The following SPHK1 variants were observed in gnomAD, a reference collection of about 807,000 sequenced individuals.
SPHK1 encodes sphingosine kinase 1, also known as SK 1.
Under a neutral mutation model 14.6 loss-of-function variants are expected in SPHK1, and 10 were observed. The ratio of observed to expected loss-of-function variants is 0.68; its 90% CI spans 0.42 to 1.16. The LOEUF (loss-of-function observed/expected upper bound fraction) is 1.16, where lower values mean the gene tolerates loss of function less well. Among genes scored for constraint, SPHK1 ranks in the 50% most tolerant of loss-of-function variants. The pLI is 0.00. For missense variants in SPHK1, 553 were observed against 525.4 expected, an observed-to-expected ratio of 1.05 and a Z score of -0.51; for synonymous variants, 274 against 224.0, an observed-to-expected ratio of 1.22 and a Z score of -1.99.
chr17:76,387,286 G>A lies in SPHK1; in HGVS notation c.855G>A (p.Met285Ile). The A allele has an allele frequency of 2.5e-6, 4 of 1,613,636 alleles. No homozygotes were observed. In the Admixed American group the frequency reaches 5.0e-5, roughly 20 times the overall value. ...APMGRCAAGV[M>I]HLFYVRAGVS... is the part of the protein sequence containing the mutation. ...TGGGCCGCTGTGCAGCTGGCGTCAT[G>A]CATCTGTTCTACGTGCGGGCGGGAG... The change falls in exon 6 of 6, where the codon ATG becomes ATA. Residue 285 changes from methionine to isoleucine, a missense_variant. Coordinates refer to ENST00000592299, the MANE Select transcript of SPHK1 (RefSeq NM_001142601.2). The surrounding 1 kb of genome is among the most constrained non-coding windows in gnomAD (Gnocchi z 4.1).
At chr17:76,383,894 A>T (rs758139296), upstream of SPHK1, 78 of 1,255,414 alleles carry the variant, frequency 6.2e-5, no homozygotes, top group Admixed American at 5.3e-4. Flanking sequence ...GCCCATCTAC[A>T]CTGTCAAGCC....
In SPHK1 at chr17:76,385,466, G is replaced by A; in HGVS notation, c.-179G>A. ...TCTCCCTCAGGTCCAGCCGCCGCAGGGAATGACGCCGGTGCTCCTGCAGCC... is the reference window on the plus strand; with the variant it reads ...TCTCCCTCAGGTCCAGCCGCCGCAGAGAATGACGCCGGTGCTCCTGCAGCC... On this transcript the variant is annotated 5_prime_UTR_variant, in exon 2 of 6. Transcript: ENST00000592299. The surrounding 1 kb of genome is among the most constrained non-coding windows in gnomAD (Gnocchi z 5.3). 6.4e-7 allele frequency: 1 copy of A among 1,555,474 alleles called. No homozygotes were observed. Among genetic ancestry groups the A allele is most frequent in the Non-Finnish European group, 8.6e-7 (1 of 1,158,486 alleles).
Position 76,386,706 on chromosome 17 carries a change from G to C in SPHK1, c.375-100G>C. The C allele has an allele frequency of 7.2e-7, 1 of 1,386,774 alleles. No homozygotes were observed. Among genetic ancestry groups the C allele is most frequent in the Non-Finnish European group, 9.7e-7 (1 of 1,026,836 alleles). The allele number at this position is 1,386,774 out of a possible 1,614,324, so 85.9% of individuals were successfully genotyped here. On this transcript the variant is annotated intron_variant, in intron 5 of 5. Transcript: ENST00000592299. The surrounding 1 kb of genome is among the most constrained non-coding windows in gnomAD (Gnocchi z 5.3). Reference sequence around the variant, plus strand: ...CCTACCAGTCCTGCCAACTCCCCAGGGACCACATGGCGCTTTGCCAGCTCC... The same window carrying C: ...CCTACCAGTCCTGCCAACTCCCCAGCGACCACATGGCGCTTTGCCAGCTCC...
chr17:76,386,363 C>T lies in SPHK1; in HGVS notation c.259-30C>T. On this transcript the variant is annotated intron_variant, in intron 4 of 5. Transcript: ENST00000592299. The surrounding 1 kb of genome is among the most constrained non-coding windows in gnomAD (Gnocchi z 5.3). The stretch of plus-strand genomic sequence containing the variant: ...AGGCCTGGGGCTTGGCGCGGTGCGT[C>T]CCAGGCTGAGGCCACGTGTGCTTCA... The T allele has an allele frequency of 6.2e-7, 1 of 1,607,252 alleles. No homozygotes were observed.
At position 76,385,842 on chromosome 17, in the gene SPHK1, T is replaced by C. The variant is rs1476362387; in HGVS notation, c.11-143T>C. 3.4e-6 allele frequency: 5 copies of C among 1,475,582 alleles called. No individual in the cohort carries two copies. Among genetic ancestry groups the C allele is most frequent in the African/African-American group, 2.8e-5 (2 of 71,238 alleles). 91.4% of individuals were successfully genotyped at this position (1,475,582 alleles called of 1,614,324 possible). A position where few individuals can be genotyped will look rare whatever the true frequency, so the allele number is the denominator to read the frequency against. On this transcript the variant is annotated intron_variant, in intron 2 of 5. Transcript: ENST00000592299. The surrounding 1 kb of genome is among the most constrained non-coding windows in gnomAD (Gnocchi z 5.3). ...AGGGGCGCCGCGTCCCCACCCCAGG[T>C]CTCCCAGCAAAGGCCGCTCCTCTGG...
chr17:76,387,550 GC>G lies in SPHK1; in HGVS notation c.1123del (p.Gln375SerfsTer50). The G allele has an allele frequency of 6.2e-7, 1 of 1,604,814 alleles. No homozygotes were observed. Reference sequence around the variant, plus strand: ...GCGTGGAGCCCCCGCCCAGCTGGAAGCCCCAGCAGATGCCACCGCCAGAAGA... The same window carrying G: ...GCGTGGAGCCCCCGCCCAGCTGGAAGCCCAGCAGATGCCACCGCCAGAAGA... ...GCVEPPPSWK[P>X]QQMPPPEEPL On this transcript the variant is annotated frameshift_variant, in exon 6 of 6. Coordinates refer to ENST00000592299, the MANE Select transcript of SPHK1 (RefSeq NM_001142601.2). LOFTEE classifies it low-confidence loss of function (END_TRUNC). The surrounding 1 kb of genome is among the most constrained non-coding windows in gnomAD (Gnocchi z 4.1).
Position 76,385,261 on chromosome 17 carries a change from A to T in SPHK1, c.-194-190A>T. 1 of 1,513,640 alleles carries T rather than the reference A, an allele frequency of 6.6e-7. No individual in the cohort carries two copies. Among genetic ancestry groups the T allele is most frequent in the Non-Finnish European group, 8.9e-7 (1 of 1,129,570 alleles). 93.8% of individuals were successfully genotyped at this position (1,513,640 alleles called of 1,614,324 possible). On this transcript the variant is annotated intron_variant, in intron 1 of 5. Coordinates refer to ENST00000592299, the MANE Select transcript of SPHK1 (RefSeq NM_001142601.2). The surrounding 1 kb of genome is among the most constrained non-coding windows in gnomAD (Gnocchi z 5.3). ...CCAAGCCCCAGGGAGAAAGCCCCGG[A>T]GCAGGCGCCCTTCTCAGGGATTGTA...
chr17:76,384,499 C>G (rs1183208036), upstream of SPHK1: 13 of 150,278 alleles, frequency 8.7e-5, no homozygotes, highest in Non-Finnish European at 1.6e-4. Flanking sequence ...GGGCGCGGGC[C>G]GTGCCGGAGG....
Position 76,387,090 on chromosome 17 carries a change from C to T in SPHK1, c.659C>T (p.Ser220Phe), listed in dbSNP as rs1306028825. Residue 220 changes from serine to phenylalanine, a missense_variant, in exon 6 of 6, where the codon TCC becomes TTC. Ser to Phe is a radical substitution (Grantham distance 155). Coordinates refer to ENST00000592299, the MANE Select transcript of SPHK1 (RefSeq NM_001142601.2). This position sits in a 1 kb window ranked among gnomAD's most constrained non-coding sequence, Gnocchi z 4.1. ...TACCTCCCTGTAGGAAGAGTGGGTT[C>T]CAAGACACCTGCCTCCCCCGTTGTG... ...LAYLPVGRVG[S>F]KTPASPVVVQ... 4.3e-6 allele frequency: 7 copies of T among 1,613,224 alleles called. No homozygotes were observed. The highest frequency in any genetic ancestry group is 5.9e-6 in the Non-Finnish European group (7 of 1,180,044).
Position 76,386,423 on chromosome 17 carries a change from T to C in SPHK1, c.289T>C (p.Trp97Arg), listed in dbSNP as rs2143632095. ...VVNGLMERPD[W>R]ETAIQKPLCS... ...GAACGGGCTCATGGAGCGGCCTGAC[T>C]GGGAGACCGCCATCCAGAAGCCCCT... The change falls in exon 5 of 6, where the codon TGG becomes CGG. Residue 97 changes from tryptophan to arginine, a missense_variant. By Grantham distance (101) the Trp-to-Arg change is moderately radical. Transcript: ENST00000592299. The surrounding 1 kb of genome is among the most constrained non-coding windows in gnomAD (Gnocchi z 5.3). The C allele has an allele frequency of 6.2e-7, 1 of 1,612,822 alleles. No individual in the cohort carries two copies. The highest frequency in any genetic ancestry group is 8.5e-7 in the Non-Finnish European group (1 of 1,179,818).
At position 76,387,532 on chromosome 17, in the gene SPHK1, G is replaced by T. The variant is rs1050682041; in HGVS notation, c.1101G>T (p.Glu367Asp). 6.2e-7 allele frequency: 1 copy of T among 1,609,496 alleles called. No homozygotes were observed. The change falls in exon 6 of 6, where the codon GAG (glutamate) becomes GAT (aspartate). Residue 367 changes from glutamate to aspartate, a missense_variant. Coordinates refer to ENST00000592299, the MANE Select transcript of SPHK1 (RefSeq NM_001142601.2). This position sits in a 1 kb window ranked among gnomAD's most constrained non-coding sequence, Gnocchi z 4.1. The part of the protein sequence containing the change: ...NYFWMVSGCV[E>D]PPPSWKPQQM... Reference sequence around the variant, plus strand: ...TCTGGATGGTCAGCGGTTGCGTGGAGCCCCCGCCCAGCTGGAAGCCCCAGC... The same window carrying T: ...TCTGGATGGTCAGCGGTTGCGTGGATCCCCCGCCCAGCTGGAAGCCCCAGC...
At position 76,385,105 on chromosome 17, in the gene SPHK1, A is replaced by G. The variant is rs1463513473; in HGVS notation, c.-195+299A>G. The G allele has an allele frequency of 6.4e-7, 1 of 1,573,780 alleles. No individual in the cohort carries two copies. The highest frequency in any genetic ancestry group is 8.6e-7 in the Non-Finnish European group (1 of 1,159,866). Reference sequence around the variant, plus strand: ...CCTCTCCCAGAACTTCGTGCCCAGCAATGTCCGCTCAAGTTCTGGGATTTT... The same window carrying G: ...CCTCTCCCAGAACTTCGTGCCCAGCGATGTCCGCTCAAGTTCTGGGATTTT... On this transcript the variant is annotated intron_variant, in intron 1 of 5. Coordinates refer to ENST00000592299, the MANE Select transcript of SPHK1 (RefSeq NM_001142601.2). This position sits in a 1 kb window ranked among gnomAD's most constrained non-coding sequence, Gnocchi z 5.3.
In SPHK1 at chr17:76,387,253, T is replaced by C. The variant is rs902012955; in HGVS notation, c.822T>C (p.Ala274=). 8 of 1,613,392 alleles carry C rather than the reference T, an allele frequency of 5.0e-6. No individual in the cohort carries two copies. The highest frequency in any genetic ancestry group is 1.7e-5 in the Admixed American group (1 of 59,970). The change falls in exon 6 of 6, where the codon GCT becomes GCC. Residue 274 remains alanine, a synonymous_variant. Transcript: ENST00000592299. The surrounding 1 kb of genome is among the most constrained non-coding windows in gnomAD (Gnocchi z 4.1). ...CGCACCTGGGCAGTGAGATGTTTGCTGCACCCATGGGCCGCTGTGCAGCTG... is the reference window on the plus strand; with the variant it reads ...CGCACCTGGGCAGTGAGATGTTTGCCGCACCCATGGGCCGCTGTGCAGCTG... ...LHSHLGSEMF[A]APMGRCAAGV...
In SPHK1 at chr17:76,386,430, C is replaced by T. The variant is rs1222078247; in HGVS notation, c.296C>T (p.Thr99Ile). Residue 99 changes from threonine (T) to isoleucine (I), a missense_variant, in exon 5 of 6, where the codon ACC becomes ATC. Thr to Ile is a moderately conservative substitution (Grantham distance 89, BLOSUM62 -1). Transcript: ENST00000592299. This position sits in a 1 kb window ranked among gnomAD's most constrained non-coding sequence, Gnocchi z 5.3. ...NGLMERPDWE[T>I]AIQKPLCSLP... ...CTCATGGAGCGGCCTGACTGGGAGA[C>T]CGCCATCCAGAAGCCCCTGTGTAGC... is the stretch of plus-strand genomic sequence containing the variant. 1.7e-5 allele frequency: 28 copies of T among 1,612,796 alleles called. No individual in the cohort carries two copies. Among genetic ancestry groups the T allele is most frequent in the Non-Finnish European group, 2.2e-5 (26 of 1,179,900 alleles).
rs370724379 is a variant in SPHK1 at position 76,386,392 on chromosome 17, G to C, written c.259-1G>C. 3.0e-5 allele frequency: 49 copies of C among 1,610,510 alleles called. No individual in the cohort carries two copies. Among genetic ancestry groups the C allele is most frequent in the Non-Finnish European group, 4.0e-5 (47 of 1,178,282 alleles). On this transcript the variant is annotated splice_acceptor_variant, in intron 4 of 5. Coordinates refer to ENST00000592299, the MANE Select transcript of SPHK1 (RefSeq NM_001142601.2). LOFTEE classifies it high-confidence loss of function. This position sits in a 1 kb window ranked among gnomAD's most constrained non-coding sequence, Gnocchi z 5.3. ...GGCTGAGGCCACGTGTGCTTCAACA[G>C]GTGGTGAACGGGCTCATGGAGCGGC...
chr17:76,385,753 G>T lies in SPHK1; in HGVS notation c.10+99G>T. The stretch of plus-strand genomic sequence containing the variant: ...TGGACGAAAGGGGCTGTGGACGATC[G>T]GGAGAAACATTATCCCTCACGAGGC... On this transcript the variant is annotated intron_variant, in intron 2 of 5. Coordinates refer to ENST00000592299, the MANE Select transcript of SPHK1 (RefSeq NM_001142601.2). The surrounding 1 kb of genome is among the most constrained non-coding windows in gnomAD (Gnocchi z 5.3). The T allele has an allele frequency of 7.0e-7, 1 of 1,433,290 alleles. No individual in the cohort carries two copies. The allele number at this position is 1,433,290 out of a possible 1,614,324, so 88.8% of individuals were successfully genotyped here.
chr17:76,383,752 G>T, upstream of SPHK1: 1 of 973,878 alleles, frequency 1.0e-6, no homozygotes, highest in Non-Finnish European at 1.4e-6. Flanking sequence ...ACTGACAAAC[G>T]CGTCCCTACT....
rs951310649 is a variant in SPHK1, at chr17:76,385,237, C to CAAG, written c.-194-213_-194-211dup. ...CATCCGTCGGGCCGGAACCGAACCC[C>CAAG]AAGCCCCAGGGAGAAAGCCCCGGAG... On this transcript the variant is annotated intron_variant, in intron 1 of 5. Transcript: ENST00000592299. The surrounding 1 kb of genome is among the most constrained non-coding windows in gnomAD (Gnocchi z 5.3). The CAAG allele has an allele frequency of 4.2e-5, 64 of 1,539,458 alleles. No homozygotes were observed. The African/African-American group carries it at 7.7e-4, about 19-fold the overall frequency.
chr17:76,385,615 C>CAGGG lies in SPHK1; in HGVS notation c.-30_-29insAGGG, dbSNP rs1241927929. ...CAGCGCCCCCACAGCGCCAGGGACC[C>CAGGG]CCTGGCAGCGGGAGCCGCGGGTCGA... On this transcript the variant is annotated 5_prime_UTR_variant, in exon 2 of 6. Coordinates refer to ENST00000592299, the MANE Select transcript of SPHK1 (RefSeq NM_001142601.2). The surrounding 1 kb of genome is among the most constrained non-coding windows in gnomAD (Gnocchi z 5.3). The CAGGG allele has an allele frequency of 1.3e-6, 2 of 1,539,758 alleles. No individual in the cohort carries two copies. Among genetic ancestry groups the CAGGG allele is most frequent in the South Asian group, 1.2e-5 (1 of 84,334 alleles).
Sources: allele counts gnomAD v4.1 joint callset, GRCh38; gene constraint gnomAD v4.1.1; non-coding constraint Gnocchi (gnomAD v3.1); transcripts MANE v1.5; gene names NCBI Gene and HGNC (gene_info 2026-07-23, HGNC 2026-07-21).